The following STAT4 variants were observed in gnomAD, a reference collection of about 807,000 sequenced individuals.
STAT4 encodes the protein signal transducer and activator of transcription 4.
A neutral mutation model predicts 110.5 loss-of-function variants in STAT4; 42 were observed. The observed-to-expected ratio is 0.38, with a 90% CI of 0.30 to 0.49. STAT4 has a LOEUF of 0.49. STAT4 is among the 20% of genes least tolerant of loss of function. The probability of loss-of-function intolerance (pLI) is 0.95; values close to 1 mark genes in which losing one functional copy is unlikely to be tolerated. For synonymous variants in STAT4, 284 were observed against 302.2 expected, an observed-to-expected ratio of 0.94 and a Z score of 0.63; for missense variants, 632 against 887.9, an observed-to-expected ratio of 0.71 and a Z score of 3.66.
Position 191,147,667 on chromosome 2 carries a change from T to A in STAT4, c.128+409A>T, listed in dbSNP as rs2125462098. Among the ~76,000 whole-genome samples the A allele has an allele frequency of 6.6e-6, 1 of 152,288 alleles. No individual in the cohort carries two copies. The highest frequency in any genetic ancestry group is 1.9e-4 in the East Asian group (1 of 5,190). On this transcript the variant is annotated intron_variant, in intron 2 of 23. Coordinates refer to ENST00000392320, the MANE Select transcript of STAT4 (RefSeq NM_003151.4). This position sits in a 1 kb window ranked among gnomAD's most constrained non-coding sequence, Gnocchi z 4.1. ...ACAATGGTAAATTTTATGTTATGTG[T>A]ATTTTACCACAATAAAAAAGATGGC...
rs1698446449 is a variant in STAT4 at position 191,112,320 on chromosome 2, A to G, written c.273+34293T>C. 1.3e-5 allele frequency among the ~76,000 whole-genome samples: 2 copies of G among 152,226 alleles called. No homozygotes were observed. The highest frequency in any genetic ancestry group is 2.9e-5 in the Non-Finnish European group (2 of 68,046). Reference sequence around the variant, plus strand: ...TCCTAGCTATGTGACCTTGGGCAACAGCGTGACCTTTCCAAGCCTCAGTTC... The same window carrying G: ...TCCTAGCTATGTGACCTTGGGCAACGGCGTGACCTTTCCAAGCCTCAGTTC... On this transcript the variant is annotated intron_variant, in intron 3 of 23. Coordinates refer to ENST00000392320, the MANE Select transcript of STAT4 (RefSeq NM_003151.4). This position sits in a 1 kb window ranked among gnomAD's most constrained non-coding sequence, Gnocchi z 4.3.
At chr2:191,047,995 A>T (rs369504767) in intron 14 of STAT4, among the ~76,000 whole-genome samples, 1 of 152,302 alleles carries the variant, frequency 6.6e-6, no homozygotes. Flanking sequence ...ATAAATATAC[A>T]TACGATAATT....
intron 3 of STAT4, among the ~76,000 whole-genome samples, chr2:191,136,463 C>T (rs540806884): frequency 3.3e-4 from 51 of 152,352 alleles, no homozygotes; most frequent in African/African-American, 1.2e-3. Flanking sequence ...GTCAAATTGT[C>T]TTTCTTGGCC....
In STAT4 at chr2:191,061,454, C is replaced by A. The variant is rs1466461777; in HGVS notation, c.1034+275G>T. ...CTCTCCAGTCTTTTCTCAAGTCAAC[C>A]TTTTCAGCAATTAATTTCATTGTGC... On this transcript the variant is annotated intron_variant, in intron 10 of 23. Transcript: ENST00000392320. This position sits in a 1 kb window ranked among gnomAD's most constrained non-coding sequence, Gnocchi z 6.2. Among the ~76,000 whole-genome samples the A allele has an allele frequency of 6.6e-6, 1 of 152,184 alleles. No individual in the cohort carries two copies. Among genetic ancestry groups the A allele is most frequent in the Non-Finnish European group, 1.5e-5 (1 of 68,036 alleles).
chr2:191,076,846 T>C (rs1697331317), intron 3 of STAT4, among the ~76,000 whole-genome samples: 1 of 152,080 alleles, frequency 6.6e-6, no homozygotes, highest in South Asian at 2.1e-4. Flanking sequence ...GGTTTTTCCA[T>C]GTTGGTCAGG....
intron 3 of STAT4, 45 bp from the exon 4 acceptor site, chr2:191,076,370 A>G: frequency 2.2e-6 from 3 of 1,371,398 alleles, no homozygotes; most frequent in Non-Finnish European, 3.1e-6. Flanking sequence ...GTAAAGCTTA[A>G]ATATATGTAT....
Position 191,035,352 on chromosome 2 carries a change from A to G in STAT4, c.1571-755T>C, listed in dbSNP as rs1696014537. On this transcript the variant is annotated intron_variant, in intron 17 of 23. Coordinates refer to ENST00000392320, the MANE Select transcript of STAT4 (RefSeq NM_003151.4). The surrounding 1 kb of genome is among the most constrained non-coding windows in gnomAD (Gnocchi z 4.7). ...TTCCAAAGTCCTAATGTATTTAGGT[A>G]CCTATTGATCCAAGAGTAGATGCAA... Among the ~76,000 whole-genome samples the G allele has an allele frequency of 6.6e-6, 1 of 152,210 alleles. No individual in the cohort carries two copies. The highest frequency in any genetic ancestry group is 1.5e-5 in the Non-Finnish European group (1 of 68,032).
intron 8 of STAT4, among the ~76,000 whole-genome samples, chr2:191,063,138 TTTC>T (rs2125233079): frequency 6.6e-6 from 1 of 152,320 alleles, no homozygotes; most frequent in African/African-American, 2.4e-5. Context: ...TTTTCAATGT[TTTC>T]TTATTTAAAC....
rs1392583371 is a variant in STAT4 at position 191,059,865 on chromosome 2, T to C, written c.1035-1096A>G. On this transcript the variant is annotated intron_variant, in intron 10 of 23. Transcript: ENST00000392320. The surrounding 1 kb of genome is among the most constrained non-coding windows in gnomAD (Gnocchi z 4.7). The stretch of plus-strand genomic sequence containing the variant: ...ATGGTGAGAAGGGGGCATAGTCACA[T>C]AAAATCAGGCCAGATGTTTTTCCTC... Among the ~76,000 whole-genome samples, 1 of 152,168 alleles carries C rather than the reference T, an allele frequency of 6.6e-6. No homozygotes were observed.
At chr2:191,121,279 C>T (rs1422334464) in intron 3 of STAT4, among the ~76,000 whole-genome samples, 1 of 152,148 alleles carries the variant, frequency 6.6e-6, no homozygotes, top group Non-Finnish European at 1.5e-5. Context: ...ACAACAGGTG[C>T]TGGAGAGGAT....
chr2:191,093,773 C>A (rs1697876762), intron 3 of STAT4, among the ~76,000 whole-genome samples: 1 of 152,118 alleles, frequency 6.6e-6, no homozygotes, highest in Non-Finnish European at 1.5e-5. Context: ...TTCAGAAGGT[C>A]AGTAATAACA....
intron 4 of STAT4, 83 bp downstream of exon 4, chr2:191,076,144 G>T: frequency 8.6e-7 from 1 of 1,169,074 alleles, no homozygotes; most frequent in Non-Finnish European, 1.3e-6. Context: ...GTGAGCCACT[G>T]TACCCTACCA....
At chr2:191,089,573 A>G (rs1697736598) in intron 3 of STAT4, among the ~76,000 whole-genome samples, 1 of 152,246 alleles carries the variant, frequency 6.6e-6, no homozygotes, top group African/African-American at 2.4e-5. Context: ...TCTAAAGGAG[A>G]TGAAAACTCA....
At position 191,111,485 on chromosome 2, in the gene STAT4, A is replaced by G. The variant is rs191532315; in HGVS notation, c.273+35128T>C. Among the ~76,000 whole-genome samples the G allele has an allele frequency of 2.3e-3, 343 of 152,374 alleles. 3 individuals carry two copies. Among genetic ancestry groups the G allele is most frequent in the Non-Finnish European group, 3.4e-3 (234 of 68,034 alleles). Reference sequence around the variant, plus strand: ...GAACACTACTCAGTAACAAACAGAAATGAACACTTGATTCATGCAAAAATG... The same window carrying G: ...GAACACTACTCAGTAACAAACAGAAGTGAACACTTGATTCATGCAAAAATG... On this transcript the variant is annotated intron_variant, in intron 3 of 23. Transcript: ENST00000392320.
chr2:191,030,036 TC>T lies in STAT4; in HGVS notation c.2221-171del, dbSNP rs745647644. Among the ~76,000 whole-genome samples, 15 of 152,098 alleles carry T rather than the reference TC, an allele frequency of 9.9e-5. No individual in the cohort carries two copies. Among genetic ancestry groups the T allele is most frequent in the Non-Finnish European group, 1.8e-4 (12 of 68,014 alleles). ...TGCAAAAGTAATTGGGGTTGATCAGTCTAAAATAAAAGGTACCTTTCAAGGA... is the reference window on the plus strand; with the variant it reads ...TGCAAAAGTAATTGGGGTTGATCAGTTAAAATAAAAGGTACCTTTCAAGGA... On this transcript the variant is annotated intron_variant, in intron 23 of 23. Transcript: ENST00000392320. The surrounding 1 kb of genome is among the most constrained non-coding windows in gnomAD (Gnocchi z 4.4).
At chr2:191,151,254 G>C (rs892671020), upstream of STAT4, 17 of 985,492 alleles carry the variant, frequency 1.7e-5, no homozygotes, top group African/African-American at 3.0e-4. The surrounding 1 kb of genome is among the most constrained non-coding windows in gnomAD (Gnocchi z 4.7). Context: ...AGCAGTGCCA[G>C]GAAAAAGGGG....
At chr2:191,085,069 G>A (rs1697599942) in intron 3 of STAT4, among the ~76,000 whole-genome samples, 1 of 151,136 alleles carries the variant, frequency 6.6e-6, no homozygotes, top group Non-Finnish European at 1.5e-5. Flanking sequence ...AAAAAAAATG[G>A]GAGAGAGAAA....
chr2:191,049,260 T>C (rs1055057002), intron 14 of STAT4, among the ~76,000 whole-genome samples: 6 of 149,432 alleles, frequency 4.0e-5, no homozygotes, highest in African/African-American at 1.5e-4. Context: ...CTGCAAGCTC[T>C]GCCTCCCGGG....
chr2:191,034,836 G>A (rs1696000397), intron 17 of STAT4, among the ~76,000 whole-genome samples: 1 of 152,188 alleles, frequency 6.6e-6, no homozygotes, highest in African/African-American at 2.4e-5. Context: ...TTAGAAAGCA[G>A]GTGGGTATCT....
Sources: gnomAD v4.1 joint callset for allele counts (sites outside exome capture counted in the v4.1 genomes callset) on GRCh38, gnomAD v4.1.1 for gene constraint, Gnocchi (gnomAD v3.1) non-coding constraint, MANE v1.5 for transcripts, NCBI Gene and HGNC (gene_info 2026-07-23, HGNC 2026-07-21) for gene names.